Variants in PRR5L observed in about 807,000 individuals in gnomAD.
PRR5L encodes proline-rich protein 5-like.
Under a neutral mutation model 36.4 loss-of-function variants are expected in PRR5L, and 21 were observed. The observed-to-expected ratio is 0.58, with a 90% CI of 0.41 to 0.83. PRR5L has a LOEUF of 0.83. Ranked by LOEUF, PRR5L falls within the 40% of genes least tolerant of loss-of-function variation. The probability of loss-of-function intolerance (pLI) is 0.00; values close to 1 mark genes in which losing one functional copy is unlikely to be tolerated. For synonymous variants in PRR5L, 188 were observed against 197.0 expected, an observed-to-expected ratio of 0.95 and a Z score of 0.38; for missense variants, 381 against 473.3, an observed-to-expected ratio of 0.80 and a Z score of 1.81.
chr11:36,311,783 CCT>C (rs1349271252), intron 1 of PRR5L, among the ~76,000 whole-genome samples: 1 of 152,128 alleles, frequency 6.6e-6, no homozygotes, highest in Non-Finnish European at 1.5e-5. Context: ...CTATCTTTCT[CCT>C]CTCTGAGCTC....
At chr11:36,410,871 G>T (rs1185753003) in intron 3 of PRR5L, among the ~76,000 whole-genome samples, 1 of 152,230 alleles carries the variant, frequency 6.6e-6, no homozygotes, top group East Asian at 1.9e-4. Flanking sequence ...AGTCAGGCTA[G>T]ATGGGCACTG....
At chr11:36,460,753 G>C (rs1292485026) in intron 8 of PRR5L, among the ~76,000 whole-genome samples, 2 of 152,146 alleles carry the variant, frequency 1.3e-5, no homozygotes, top group African/African-American at 4.8e-5. Flanking sequence ...TATGACCTTC[G>C]ATGTTAACTG....
At chr11:36,426,918 TC>T (rs1406051835) in intron 4 of PRR5L, among the ~76,000 whole-genome samples, 3 of 152,216 alleles carry the variant, frequency 2.0e-5, no homozygotes, top group Non-Finnish European at 4.4e-5. Flanking sequence ...TTCTTGGTTA[TC>T]CGTCTCATCT....
At chr11:36,333,206 A>G (rs1856736419) in intron 1 of PRR5L, among the ~76,000 whole-genome samples, 1 of 152,214 alleles carries the variant, frequency 6.6e-6, no homozygotes, top group African/African-American at 2.4e-5. Flanking sequence ...AACCCATTAG[A>G]ATGTCTAAAA....
At chr11:36,437,883 C>T (rs532515052) in intron 6 of PRR5L, among the ~76,000 whole-genome samples, 7 of 152,160 alleles carry the variant, frequency 4.6e-5, no homozygotes, top group African/African-American at 7.2e-5. Context: ...GCAAGTTTGC[C>T]GTCACATTCA....
At chr11:36,430,040 T>C (rs1477893284) in intron 4 of PRR5L, among the ~76,000 whole-genome samples, 2 of 152,208 alleles carry the variant, frequency 1.3e-5, no homozygotes, top group Non-Finnish European at 2.9e-5. Flanking sequence ...TTGCTTTTTT[T>C]TTTCCTTTAA....
chr11:36,446,350 A>G lies in PRR5L; in HGVS notation c.495A>G (p.Leu165=), dbSNP rs150115424. The G allele has an allele frequency of 3.2e-5, 52 of 1,613,880 alleles. No homozygotes were observed. The highest frequency in any genetic ancestry group is 4.2e-5 in the Non-Finnish European group (49 of 1,180,024). ...RQISLLGFRD[L]VLLKVKLGDL... ...TCTCCCTGCTGGGCTTCCGAGACCT[A>G]GTCTTGCTGAAGGTGAAGCTGGGTG... The change falls in exon 7 of 9, where the codon CTA becomes CTG. Residue 165 remains leucine, a synonymous_variant. Transcript: ENST00000530639.
chr11:36,372,027 C>T (rs1283766601), intron 1 of PRR5L, among the ~76,000 whole-genome samples: 8 of 151,938 alleles, frequency 5.3e-5, no homozygotes, highest in Admixed American at 5.2e-4. Context: ...CACTGCACTC[C>T]AGCCTGGGTG....
In PRR5L at chr11:36,400,837, C is replaced by T. The variant is rs1857776325; in HGVS notation, c.-125-160C>T. On this transcript the variant is annotated intron_variant, in intron 1 of 8. Transcript: ENST00000530639. ...CCACACTGTTACAACCGAAAAGAGC[C>T]CTGTGCAAACTTGTGAATGGGAACC... Among the ~76,000 whole-genome samples, 3 of 152,136 alleles carry T rather than the reference C, an allele frequency of 2.0e-5. No individual in the cohort carries two copies. In the South Asian group the frequency reaches 6.2e-4, roughly 32 times the overall value.
At chr11:36,362,485 G>C (rs1219717761) in intron 1 of PRR5L, among the ~76,000 whole-genome samples, 1 of 152,002 alleles carries the variant, frequency 6.6e-6, no homozygotes. Context: ...AAGGAGAACC[G>C]GAGACAGTAT....
chr11:36,400,389 G>A (rs1383846126), intron 1 of PRR5L, among the ~76,000 whole-genome samples: 5 of 152,210 alleles, frequency 3.3e-5, no homozygotes, highest in Admixed American at 6.5e-5. Context: ...CCTGAGAGCA[G>A]GGATTTGGTC....
chr11:36,418,404 T>C (rs976740926), intron 3 of PRR5L, among the ~76,000 whole-genome samples: 1 of 152,046 alleles, frequency 6.6e-6, no homozygotes, highest in Non-Finnish European at 1.5e-5. Flanking sequence ...TGGGAAAAGA[T>C]GTTGAATTTG....
chr11:36,420,858 C>CACAA, intron 4 of PRR5L, among the ~76,000 whole-genome samples: 1 of 151,126 alleles, frequency 6.6e-6, no homozygotes, highest in African/African-American at 2.4e-5. Flanking sequence ...CACACACACA[C>CACAA]ACACACACAC....
In PRR5L at chr11:36,368,425, A is replaced by G. The variant is rs1175370904; in HGVS notation, c.-125-32572A>G. On this transcript the variant is annotated intron_variant, in intron 1 of 8. Coordinates refer to ENST00000530639, the MANE Select transcript of PRR5L (RefSeq NM_001160167.2). ...ATGCCATGAGTGTGGGAGAGAAAAT[A>G]CCATCATTTGAGAGGATTTTTAGGG... Among the ~76,000 whole-genome samples the G allele has an allele frequency of 4.6e-5, 7 of 152,336 alleles. No homozygotes were observed. In the East Asian group the frequency reaches 1.2e-3, roughly 25 times the overall value.
intron 1 of PRR5L, among the ~76,000 whole-genome samples, chr11:36,390,106 C>T (rs550866915): frequency 3.5e-4 from 54 of 152,224 alleles, no homozygotes; most frequent in African/African-American, 1.3e-3. Context: ...ATTCTGTAGT[C>T]ATTTATTAAG....
chr11:36,305,115 A>G (rs1856417201), intron 1 of PRR5L, among the ~76,000 whole-genome samples: 1 of 152,252 alleles, frequency 6.6e-6, no homozygotes, highest in African/African-American at 2.4e-5. Context: ...CAAAAGGTGG[A>G]AACAACCCAA....
intron 8 of PRR5L, among the ~76,000 whole-genome samples, chr11:36,456,952 G>A (rs1468404594): frequency 1.3e-5 from 2 of 152,214 alleles, no homozygotes; most frequent in African/African-American, 4.8e-5. Flanking sequence ...GACAGGTGGT[G>A]TTGTGGTCTC....
chr11:36,448,687 C>T (rs914395473), intron 7 of PRR5L, among the ~76,000 whole-genome samples: 3 of 152,100 alleles, frequency 2.0e-5, no homozygotes, highest in Admixed American at 6.5e-5. Flanking sequence ...TGTTGGTGAC[C>T]GTCATGTAGG....
chr11:36,443,978 CA>C (rs1858776597), intron 6 of PRR5L, among the ~76,000 whole-genome samples: 2 of 152,260 alleles, frequency 1.3e-5, no homozygotes, highest in African/African-American at 4.8e-5. Context: ...AGCAACATGG[CA>C]GTATTTTTTT....
Sources: allele counts gnomAD v4.1 joint callset (sites outside exome capture counted in the v4.1 genomes callset), GRCh38; gene constraint gnomAD v4.1.1; transcripts MANE v1.5; gene names NCBI Gene and HGNC (gene_info 2026-07-23, HGNC 2026-07-21).